Variants in BCL2 observed in about 807,000 individuals in gnomAD.
BCL2 encodes the protein BCL2 apoptosis regulator.
BCL2 carries 1 observed loss-of-function variant against 14.2 expected under a neutral mutation model. The ratio of observed to expected loss-of-function variants is 0.07; its 90% confidence interval spans 0.02 to 0.33. BCL2 has a LOEUF of 0.33. BCL2 is among the 10% of genes least tolerant of loss of function. The pLI is 0.99. For synonymous variants in BCL2, 151 were observed against 137.2 expected, an observed-to-expected ratio of 1.10 and a Z score of -0.70; for missense variants, 247 against 305.9, an observed-to-expected ratio of 0.81 and a Z score of 1.44.
chr18:63,235,954 A>C (rs1005674370), intron 2 of BCL2, among the ~76,000 whole-genome samples: 1 of 152,164 alleles, frequency 6.6e-6, no homozygotes, highest in Non-Finnish European at 1.5e-5. Flanking sequence ...AGATGATATG[A>C]TTTGGCTGTG....
chr18:63,317,627 T>C, intron 2 of BCL2: 3 of 1,009,228 alleles, frequency 3.0e-6, no homozygotes, highest in Non-Finnish European at 3.5e-6. Flanking sequence ...AATTTTAGTG[T>C]ACAACGGGCT....
chr18:63,182,076 C>T (rs1287665393), intron 2 of BCL2, among the ~76,000 whole-genome samples: 1 of 152,202 alleles, frequency 6.6e-6, no homozygotes, highest in East Asian at 1.9e-4. Context: ...TTCCTCTTTC[C>T]TCCTTTCTCT....
intron 2 of BCL2, among the ~76,000 whole-genome samples, chr18:63,312,002 C>A (rs1349248098): frequency 6.6e-6 from 1 of 152,228 alleles, no homozygotes; most frequent in Non-Finnish European, 1.5e-5. Context: ...ATTTTGCCAG[C>A]AGATACTATC....
chr18:63,181,101 G>C (rs1915471952), intron 2 of BCL2, among the ~76,000 whole-genome samples: 1 of 152,212 alleles, frequency 6.6e-6, no homozygotes, highest in South Asian at 2.1e-4. Context: ...CAACATGCAA[G>C]ACAGACCAGT....
intron 2 of BCL2, among the ~76,000 whole-genome samples, chr18:63,251,706 C>CT (rs551895042): frequency 0.034 from 4,705 of 140,368 alleles, 115 homozygotes; most frequent in East Asian, 0.075. Context: ...GTTTTTTTTT[C>CT]TTTTTTTTTT....
At chr18:63,280,819 A>C (rs534495574) in intron 2 of BCL2, among the ~76,000 whole-genome samples, 1 of 152,374 alleles carries the variant, frequency 6.6e-6, no homozygotes, top group East Asian at 1.9e-4. Flanking sequence ...GGATCCAGAA[A>C]TGCCACTTCT....
intron 2 of BCL2, among the ~76,000 whole-genome samples, chr18:63,165,902 A>G (rs1043419978): frequency 2.6e-5 from 4 of 152,244 alleles, no homozygotes; most frequent in Non-Finnish European, 4.4e-5. Flanking sequence ...ATTGAGCCAG[A>G]CAGTCATTGT....
chr18:63,131,067 G>A (rs1368216753), intron 2 of BCL2, among the ~76,000 whole-genome samples: 1 of 152,104 alleles, frequency 6.6e-6, no homozygotes, highest in African/African-American at 2.4e-5. Context: ...GGCCGCGGAT[G>A]CTGTTCAACA....
At chr18:63,242,158 C>T (rs1911024015) in intron 2 of BCL2, among the ~76,000 whole-genome samples, 1 of 151,614 alleles carries the variant, frequency 6.6e-6, no homozygotes, top group East Asian at 1.9e-4. Context: ...TTATGCCAAG[C>T]TTCTCCTCAA....
intron 2 of BCL2, among the ~76,000 whole-genome samples, chr18:63,195,532 AG>A (rs370198630): frequency 6.6e-6 from 1 of 152,370 alleles, no homozygotes; most frequent in African/African-American, 2.4e-5. Context: ...AAGTGAAAGA[AG>A]GAGCTTTATC....
At chr18:63,311,753 T>C (rs1011993467) in intron 2 of BCL2, among the ~76,000 whole-genome samples, 23 of 152,216 alleles carry the variant, frequency 1.5e-4, no homozygotes, top group African/African-American at 5.5e-4. Flanking sequence ...CTTCCACAGT[T>C]AACCTGCTCA....
At chr18:63,157,960 T>C (rs561568323) in intron 2 of BCL2, among the ~76,000 whole-genome samples, 128 of 152,180 alleles carry the variant, frequency 8.4e-4, no homozygotes, top group Non-Finnish European at 1.2e-3. Context: ...CTTTTTTTTT[T>C]CTGAAGCCAA....
chr18:63,140,300 C>T (rs916112478), intron 2 of BCL2, among the ~76,000 whole-genome samples: 3 of 152,140 alleles, frequency 2.0e-5, no homozygotes, highest in African/African-American at 7.2e-5. Flanking sequence ...TCCTAGTACA[C>T]CCAAAGGAAT....
At chr18:63,268,139 C>G (rs1911889739) in intron 2 of BCL2, among the ~76,000 whole-genome samples, 1 of 152,162 alleles carries the variant, frequency 6.6e-6, no homozygotes, top group Non-Finnish European at 1.5e-5. Flanking sequence ...GCCTGAAGAC[C>G]TTATTTTTCC....
At position 63,128,299 on chromosome 18, in the gene BCL2, G is replaced by A. The variant is rs571116372; in HGVS notation, c.*326C>T. Reference sequence around the variant, plus strand: ...ACAGAACATCCAGGTGGAGCCACACGAAGCGGTGCTTGGCAATTAGTGGTC... The same window carrying A: ...ACAGAACATCCAGGTGGAGCCACACAAAGCGGTGCTTGGCAATTAGTGGTC... On this transcript the variant is annotated 3_prime_UTR_variant, in exon 3 of 3. Transcript: ENST00000333681. 20 of 254,742 alleles carry A rather than the reference G, an allele frequency of 7.9e-5. No homozygotes were observed. Among genetic ancestry groups the A allele is most frequent in the African/African-American group, 4.4e-4 (20 of 45,972 alleles). 15.8% of individuals were successfully genotyped at this position (254,742 alleles called of 1,614,324 possible).
chr18:63,176,200 G>A (rs1220190292), intron 2 of BCL2, among the ~76,000 whole-genome samples: 1 of 152,172 alleles, frequency 6.6e-6, no homozygotes, highest in African/African-American at 2.4e-5. Context: ...GAGAATGCTT[G>A]AGATAAAATC....
At chr18:63,236,803 G>A (rs4987771) in intron 2 of BCL2, among the ~76,000 whole-genome samples, 3,694 of 152,256 alleles carry the variant, frequency 0.024, 63 homozygotes, top group Non-Finnish European at 0.038. Flanking sequence ...AGGGCACTGC[G>A]CTGCGTTTAG....
At chr18:63,290,392 T>G (rs1408085381) in intron 2 of BCL2, among the ~76,000 whole-genome samples, 1 of 151,514 alleles carries the variant, frequency 6.6e-6, no homozygotes. Flanking sequence ...AAAAAAAAAG[T>G]GAGACAATGA....
intron 2 of BCL2, among the ~76,000 whole-genome samples, chr18:63,244,983 G>A (rs185988068): frequency 1.4e-4 from 21 of 152,226 alleles, no homozygotes; most frequent in Non-Finnish European, 2.1e-4. Flanking sequence ...CTAACTGCAC[G>A]TCCTAAAGGT....
Sources: allele counts gnomAD v4.1 joint callset (sites outside exome capture counted in the v4.1 genomes callset), GRCh38; gene constraint gnomAD v4.1.1; transcripts MANE v1.5; gene names NCBI Gene and HGNC (gene_info 2026-07-23, HGNC 2026-07-21).